MRPS9: variants seen among roughly 807,000 people sequenced by gnomAD.
The protein encoded by MRPS9 is small ribosomal subunit protein uS9m.
MRPS9 carries 45 observed loss-of-function variants against 59.9 expected under a neutral mutation model. That is an observed-to-expected ratio of 0.75 (90% CI 0.59 to 0.96). MRPS9 has a LOEUF of 0.96. Ranked by LOEUF, MRPS9 falls within the 40% of genes least tolerant of loss-of-function variation. The pLI is 0.00. For synonymous variants in MRPS9, 171 were observed against 166.8 expected (o/e 1.03, Z -0.19); for missense variants, 473 against 481.1 (o/e 0.98, Z 0.16).
chr2:105,078,087 A>G (rs959824951), intron 4 of MRPS9, among the ~76,000 whole-genome samples: 1 of 151,640 alleles, frequency 6.6e-6, no homozygotes, highest in Non-Finnish European at 1.5e-5. Flanking sequence ...TAGACAGACC[A>G]ATGAGCAAAG....
At chr2:105,047,334 T>C (rs920016141) in intron 1 of MRPS9, among the ~76,000 whole-genome samples, 2 of 152,088 alleles carry the variant, frequency 1.3e-5, no homozygotes, top group African/African-American at 2.4e-5. Context: ...CTATTTTTAC[T>C]ATCTTAATTT....
chr2:105,092,912 A>G (rs972111544), intron 8 of MRPS9, among the ~76,000 whole-genome samples: 8 of 152,214 alleles, frequency 5.3e-5, no homozygotes, highest in Admixed American at 1.3e-4. Context: ...AAAATGCTCA[A>G]TGAATCTGCA....
rs759775159 is a variant in MRPS9 at position 105,088,968 on chromosome 2, ATT to A, written c.490-13_490-12del. The A allele has an allele frequency of 1.9e-6, 3 of 1,569,072 alleles. No homozygotes were observed. The African/African-American group carries it at 4.1e-5, about 21-fold the overall frequency. On this transcript the variant is annotated splice_polypyrimidine_tract_variant and intron_variant, in intron 5 of 10. Transcript: ENST00000258455. Reference sequence around the variant, plus strand: ...CTCTTATTTTTAGCATGTACTGTATATTTTGTTTGCCATAGGATGTATATGGA... The same window carrying A: ...CTCTTATTTTTAGCATGTACTGTATATTGTTTGCCATAGGATGTATATGGA...
rs1680601063 is a variant in MRPS9, at chr2:105,093,572, A to G, written c.863A>G (p.His288Arg). The G allele has an allele frequency of 1.2e-6, 2 of 1,607,694 alleles. No homozygotes were observed. The highest frequency in any genetic ancestry group is 1.7e-6 in the Non-Finnish European group (2 of 1,176,566). ...AAAGCAGAAGCAATTGTTTATAAACATGGAAGTGGAAGAATAAAAGTAAAT... is the reference window on the plus strand; with the variant it reads ...AAAGCAGAAGCAATTGTTTATAAACGTGGAAGTGGAAGAATAAAAGTAAAT... The part of the protein sequence containing the change: ...TAKAEAIVYK[H>R]GSGRIKVNGI... The change falls in exon 9 of 11, where the codon CAT becomes CGT. Residue 288 changes from histidine to arginine, a missense_variant. Coordinates refer to ENST00000258455, the MANE Select transcript of MRPS9 (RefSeq NM_182640.3).
At chr2:105,057,922 A>G (rs1328082082) in intron 2 of MRPS9, among the ~76,000 whole-genome samples, 1 of 151,482 alleles carries the variant, frequency 6.6e-6, no homozygotes, top group Non-Finnish European at 1.5e-5. Context: ...CTACATTACT[A>G]TAGAATTTCA....
At chr2:105,099,563 C>G (rs1208519732) in intron 10 of MRPS9, 107 bp from the exon 11 acceptor site, 6 of 1,008,448 alleles carry the variant, frequency 5.9e-6, no homozygotes, top group African/African-American at 4.9e-5. Flanking sequence ...TTGCTTTCCT[C>G]TAGTTTTTTT....
intron 9 of MRPS9, among the ~76,000 whole-genome samples, chr2:105,095,712 G>C (rs1017657177): frequency 6.6e-6 from 1 of 151,842 alleles, no homozygotes; most frequent in African/African-American, 2.4e-5. Context: ...GGTCAGACTG[G>C]TCTCAAACTC....
intron 2 of MRPS9, among the ~76,000 whole-genome samples, chr2:105,066,767 A>G (rs1008950537): frequency 2.0e-5 from 3 of 152,110 alleles, no homozygotes; most frequent in East Asian, 1.9e-4. Context: ...TAAGATGCCA[A>G]CCAGCCTTGG....
chr2:105,061,571 G>C (rs147835613), intron 2 of MRPS9, among the ~76,000 whole-genome samples: 2 of 152,298 alleles, frequency 1.3e-5, no homozygotes, highest in African/African-American at 4.8e-5. Flanking sequence ...CTGACACACA[G>C]AATTTCCAAT....
chr2:105,099,930 A>G lies in MRPS9; in HGVS notation c.*169A>G. The G allele has an allele frequency of 2.0e-6, 1 of 493,344 alleles. No individual in the cohort carries two copies. The highest frequency in any genetic ancestry group is 4.3e-5 in the South Asian group (1 of 23,518). The allele number at this position is 493,344 out of a possible 1,614,324, so 30.6% of individuals were successfully genotyped here. On this transcript the variant is annotated 3_prime_UTR_variant, in exon 11 of 11. Transcript: ENST00000258455. ...TACTTTGTAAAGGTGACCTTTAAAAAATAAAAGGAAAATAAAGAATGTTAG... is the reference window on the plus strand; with the variant it reads ...TACTTTGTAAAGGTGACCTTTAAAAGATAAAAGGAAAATAAAGAATGTTAG...
intron 4 of MRPS9, among the ~76,000 whole-genome samples, chr2:105,076,986 C>G (rs1680223266): frequency 1.3e-5 from 2 of 152,154 alleles, no homozygotes. Flanking sequence ...TGGTGGCTCA[C>G]CCCTGTAATC....
chr2:105,052,220 G>T (rs1009199648), intron 2 of MRPS9, among the ~76,000 whole-genome samples: 1 of 152,154 alleles, frequency 6.6e-6, no homozygotes, highest in Non-Finnish European at 1.5e-5. Context: ...AAAGCATTCA[G>T]TCATTCACCA....
At chr2:105,061,754 C>T (rs1273469771) in intron 2 of MRPS9, among the ~76,000 whole-genome samples, 2 of 152,046 alleles carry the variant, frequency 1.3e-5, no homozygotes, top group Admixed American at 6.5e-5. Context: ...GGGCATGTTG[C>T]AAGTAAGATA....
At chr2:105,057,377 G>A (rs150147684) in intron 2 of MRPS9, among the ~76,000 whole-genome samples, 3 of 152,166 alleles carry the variant, frequency 2.0e-5, no homozygotes, top group African/African-American at 7.2e-5. Context: ...ATGTTGATCA[G>A]TGTGTAAAAA....
At chr2:105,052,032 A>G (rs1679720698) in intron 2 of MRPS9, among the ~76,000 whole-genome samples, 1 of 152,230 alleles carries the variant, frequency 6.6e-6, no homozygotes, top group Admixed American at 6.5e-5. Context: ...AGAATCCACT[A>G]AAAACTACAA....
chr2:105,054,216 C>T (rs1241767496), intron 2 of MRPS9, among the ~76,000 whole-genome samples: 2 of 152,322 alleles, frequency 1.3e-5, no homozygotes, highest in East Asian at 3.9e-4. Flanking sequence ...GAGATTAATG[C>T]AGTGTGTTAT....
chr2:105,067,416 G>A (rs981612246), intron 2 of MRPS9, among the ~76,000 whole-genome samples: 2 of 152,120 alleles, frequency 1.3e-5, no homozygotes, highest in Admixed American at 6.5e-5. Context: ...AGTCTGAGAG[G>A]TACATAGTCA....
chr2:105,094,015 A>G (rs1452056869), intron 9 of MRPS9, among the ~76,000 whole-genome samples: 1 of 152,226 alleles, frequency 6.6e-6, no homozygotes, highest in Non-Finnish European at 1.5e-5. Context: ...CACCACAACA[A>G]CCAGCCTTGG....
At chr2:105,079,878 T>C in intron 4 of MRPS9, 105 bp from the exon 5 acceptor site, 1 of 603,434 alleles carries the variant, frequency 1.7e-6, no homozygotes, top group East Asian at 3.0e-5. Flanking sequence ...TTTGTATTTT[T>C]TATTACTCAA....
Sources: allele counts gnomAD v4.1 joint callset (sites outside exome capture counted in the v4.1 genomes callset), GRCh38; gene constraint gnomAD v4.1.1; transcripts MANE v1.5; gene names NCBI Gene and HGNC (gene_info 2026-07-23, HGNC 2026-07-21).